IL15: variants seen among roughly 807,000 people sequenced by gnomAD.
IL15 encodes interleukin 15, also known as interleukin-15.
A neutral mutation model predicts 19.6 loss-of-function variants in IL15; 11 were observed. That is an observed-to-expected ratio of 0.56 (90% CI 0.35 to 0.93). The LOEUF is 0.93. IL15 is among the 40% of genes least tolerant of loss of function. IL15 has a pLI of 0.01. For synonymous variants in IL15, 58 were observed against 59.6 expected (o/e 0.97, Z 0.12); for missense variants, 197 against 186.5 (o/e 1.06, Z -0.33).
chr4:141,646,450 C>A (rs990851), intron 1 of IL15, among the ~76,000 whole-genome samples: 3 of 151,822 alleles, frequency 2.0e-5, no homozygotes, highest in Non-Finnish European at 2.9e-5. Flanking sequence ...GATATCACCC[C>A]CTTCCCCATA....
intron 2 of IL15, among the ~76,000 whole-genome samples, chr4:141,660,365 G>C (rs1727746129): frequency 2.0e-5 from 3 of 152,032 alleles, no homozygotes; most frequent in Admixed American, 2.0e-4. Flanking sequence ...TTTTAGCTAG[G>C]GATGCAGCTT....
chr4:141,721,984 GA>G lies in IL15; in HGVS notation c.178del (p.Ile60LeufsTer26). On this transcript the variant is annotated frameshift_variant, in exon 5 of 8. Coordinates refer to ENST00000320650, the MANE Select transcript of IL15 (RefSeq NM_000585.5). LOFTEE classifies it high-confidence loss of function. ...ANWVNVISDL[K>X]KIEDLIQSMH... ...ACTGGGTGAATGTAATAAGTGATTT[GA>G]AAAAAATTGAAGATCTTATTCAAGT... 1.9e-6 allele frequency: 3 copies of G among 1,590,146 alleles called. No individual in the cohort carries two copies. The highest frequency in any genetic ancestry group is 2.6e-6 in the Non-Finnish European group (3 of 1,162,478).
chr4:141,728,001 T>C lies in IL15; in HGVS notation c.240+17T>C. The C allele has an allele frequency of 8.4e-7, 1 of 1,183,658 alleles. No individual in the cohort carries two copies. The highest frequency in any genetic ancestry group is 2.4e-4 in the Middle Eastern group (1 of 4,236). 73.3% of individuals were successfully genotyped at this position (1,183,658 alleles called of 1,614,324 possible). On this transcript the variant is annotated intron_variant, in intron 6 of 7. Coordinates refer to ENST00000320650, the MANE Select transcript of IL15 (RefSeq NM_000585.5). ...GATGTTCACGTGAGTATACTTTTTT[T>C]CAAAATTGCTATTTGTCTTGTTATT...
chr4:141,721,290 T>C (rs1050270661), intron 4 of IL15: 1 of 682,226 alleles, frequency 1.5e-6, no homozygotes. Context: ...CCAATGTTAC[T>C]TGGTCAGTAT....
chr4:141,689,815 G>C (rs1462922990), intron 2 of IL15, among the ~76,000 whole-genome samples: 1 of 152,226 alleles, frequency 6.6e-6, no homozygotes, highest in Non-Finnish European at 1.5e-5. Context: ...CCCACACTGG[G>C]GCTGCAGGTG....
At chr4:141,730,486 A>T (rs1730416450) in intron 7 of IL15, among the ~76,000 whole-genome samples, 1 of 152,176 alleles carries the variant, frequency 6.6e-6, no homozygotes, top group Non-Finnish European at 1.5e-5. Context: ...GAGAGCCTGG[A>T]TCACTCGCTT....
At chr4:141,705,053 T>A (rs1321680711) in intron 2 of IL15, among the ~76,000 whole-genome samples, 6 of 151,966 alleles carry the variant, frequency 3.9e-5, no homozygotes, top group African/African-American at 9.7e-5. Flanking sequence ...TATGAATTCA[T>A]TTTTTTGTCT....
intron 5 of IL15, among the ~76,000 whole-genome samples, chr4:141,725,390 A>G (rs1730224062): frequency 6.6e-6 from 1 of 152,164 alleles, no homozygotes; most frequent in Non-Finnish European, 1.5e-5. Context: ...AGAAAAACAG[A>G]TAAGGGTATA....
intron 5 of IL15, 37 bp downstream of exon 5, chr4:141,722,045 C>A (rs1354288181): frequency 6.5e-7 from 1 of 1,533,648 alleles, no homozygotes; most frequent in Admixed American, 1.7e-5. Flanking sequence ...CCTGGTATAA[C>A]TGCTATGGAG....
At chr4:141,732,708 G>A (rs1387367330) in intron 7 of IL15, 30 bp from the exon 8 acceptor site, 6 of 1,600,858 alleles carry the variant, frequency 3.7e-6, no homozygotes, top group Non-Finnish European at 5.1e-6. Context: ...ATTATAAATT[G>A]CCAATTTAAT....
chr4:141,662,711 A>G (rs1727834768), intron 2 of IL15, among the ~76,000 whole-genome samples: 1 of 151,166 alleles, frequency 6.6e-6, no homozygotes, highest in African/African-American at 2.4e-5. Context: ...TCATCAACCT[A>G]TTTTTTTTCT....
chr4:141,647,465 T>G (rs1727265939), intron 1 of IL15, among the ~76,000 whole-genome samples: 1 of 152,004 alleles, frequency 6.6e-6, no homozygotes, highest in Non-Finnish European at 1.5e-5. Flanking sequence ...AATTATTGGT[T>G]AAAACAAATG....
intron 5 of IL15, 114 bp from the exon 6 acceptor site, chr4:141,727,826 T>G: frequency 3.1e-6 from 2 of 636,306 alleles, no homozygotes; most frequent in Non-Finnish European, 5.5e-6. Flanking sequence ...GAATTTTAAA[T>G]TATCTCAAAA....
chr4:141,654,259 TCTGGAAGGGAAGCAGGCCAGATTC>T (rs1364024649), intron 1 of IL15, among the ~76,000 whole-genome samples: 13 of 152,202 alleles, frequency 8.5e-5, no homozygotes, highest in Non-Finnish European at 1.5e-4. Flanking sequence ...ATGTTACAGC[TCTGGAAGGGAAGCAGGCCAGATTC>T]CTGGAAGGGA....
At chr4:141,714,979 C>T (rs1214122637) in intron 2 of IL15, 1 of 152,122 alleles carries the variant, frequency 6.6e-6, no homozygotes, top group Admixed American at 6.5e-5. Flanking sequence ...ATGAGCCTTT[C>T]AAACTCAGCA....
rs35153516 is a variant in IL15 at position 141,664,342 on chromosome 4, AACACACACACAC to A, written c.-100+8073_-100+8084del. On this transcript the variant is annotated intron_variant, in intron 2 of 7. Coordinates refer to ENST00000320650, the MANE Select transcript of IL15 (RefSeq NM_000585.5). The stretch of plus-strand genomic sequence containing the variant: ...ATTAAAAAAATTCTTTGGTGGGCAA[AACACACACACAC>A]ACACACACACACACACACACACACA... Among the ~76,000 whole-genome samples the A allele has an allele frequency of 3.7e-3, 483 of 131,018 alleles. 3 individuals are homozygous for A. The highest frequency in any genetic ancestry group is 6.8e-3 in the African/African-American group (236 of 34,454). 86.0% of individuals were successfully genotyped at this position (131,018 alleles called of 152,430 possible). A position where few individuals can be genotyped will look rare whatever the true frequency, so the allele number is the denominator to read the frequency against.
intron 5 of IL15, among the ~76,000 whole-genome samples, chr4:141,722,802 A>T (rs992646651): frequency 1.3e-5 from 2 of 152,210 alleles, no homozygotes; most frequent in Non-Finnish European, 2.9e-5. Context: ...CAAATGAAAA[A>T]CTAAATGCCT....
Position 141,719,446 on chromosome 4 carries a change from T to G in IL15, c.-19T>G, listed in dbSNP as rs1399658637. 3.4e-6 allele frequency: 3 copies of G among 893,858 alleles called. No individual in the cohort carries two copies. The highest frequency in any genetic ancestry group is 5.7e-6 in the Non-Finnish European group (3 of 528,522). The allele number at this position is 893,858 out of a possible 1,614,324, so 55.4% of individuals were successfully genotyped here. A position where few individuals can be genotyped will look rare whatever the true frequency, so the allele number is the denominator to read the frequency against. On this transcript the variant is annotated 5_prime_UTR_variant, in exon 3 of 8. Transcript: ENST00000320650. ...CCAGCTCTTCTTCAATACTTAAGGA[T>G]TTACCGTGGCTTTGAGTAATGAGAA...
intron 2 of IL15, among the ~76,000 whole-genome samples, chr4:141,686,341 A>T (rs894627251): frequency 8.2e-6 from 1 of 122,514 alleles, no homozygotes; most frequent in Non-Finnish European, 1.8e-5. Context: ...AATAAATAAA[A>T]GGTGGGAGGG....
Sources: allele counts gnomAD v4.1 joint callset (sites outside exome capture counted in the v4.1 genomes callset), GRCh38; gene constraint gnomAD v4.1.1; transcripts MANE v1.5; gene names NCBI Gene and HGNC (gene_info 2026-07-23, HGNC 2026-07-21).